Variants in KMT2E observed in about 807,000 individuals in gnomAD.
The protein encoded by KMT2E is histone reader KMT2E.
KMT2E carries 30 observed loss-of-function variants against 184.6 expected under a neutral mutation model. The observed-to-expected ratio is 0.16, with a 90% CI of 0.12 to 0.22. KMT2E has a LOEUF of 0.22. Ranked by LOEUF, KMT2E falls within the 10% of genes least tolerant of loss-of-function variation. KMT2E has a pLI of 1.00. For missense variants in KMT2E, 2,023 were observed against 2,237.4 expected (o/e 0.90, Z 1.93); for synonymous variants, 815 against 776.5 (o/e 1.05, Z -0.82).
At position 105,087,070 on chromosome 7, in the gene KMT2E, AATAC is replaced by A. The variant is rs1177424664; in HGVS notation, c.1359-2935_1359-2932del. Among the ~76,000 whole-genome samples, 5 of 145,950 alleles carry A rather than the reference AATAC, an allele frequency of 3.4e-5. No homozygotes were observed. In the South Asian group the frequency reaches 6.2e-4, roughly 18 times the overall value. On this transcript the variant is annotated intron_variant, in intron 13 of 26. Coordinates refer to ENST00000311117, the MANE Select transcript of KMT2E (RefSeq NM_182931.3). ...AATATATATAGCATATATAATATATAATACATAATATATAGCGTATGTAATATAC... is the reference window on the plus strand; with the variant it reads ...AATATATATAGCATATATAATATATAATAATATATAGCGTATGTAATATAC...
chr7:105,028,249 A>T (rs926145839), intron 1 of KMT2E, among the ~76,000 whole-genome samples: 2 of 151,380 alleles, frequency 1.3e-5, no homozygotes, highest in African/African-American at 4.9e-5. Flanking sequence ...GCTCACTGCA[A>T]CCTCCGCCTC....
intron 26 of KMT2E, 52 bp downstream of exon 26, chr7:105,110,920 GAA>G: frequency 1.6e-6 from 2 of 1,257,982 alleles, no homozygotes; most frequent in Non-Finnish European, 1.2e-6. Context: ...GTTGAGTGCA[GAA>G]AAGCTGATGG....
intron 3 of KMT2E, among the ~76,000 whole-genome samples, chr7:105,054,066 C>T (rs1300282644): frequency 3.3e-5 from 5 of 151,646 alleles, no homozygotes; most frequent in Middle Eastern, 3.4e-3. Context: ...CCGGCTACTA[C>T]GAGGCTGAGA....
chr7:105,021,381 A>G (rs1226568325), intron 1 of KMT2E, among the ~76,000 whole-genome samples: 1 of 152,232 alleles, frequency 6.6e-6, no homozygotes, highest in Non-Finnish European at 1.5e-5. Context: ...GGCACCACAG[A>G]TGCAGAGAGA....
Position 105,112,746 on chromosome 7 carries a change from C to A in KMT2E, c.4990C>A (p.Pro1664Thr), listed in dbSNP as rs762420580. 10 of 1,613,660 alleles carry A rather than the reference C, an allele frequency of 6.2e-6. No individual in the cohort carries two copies. In the Admixed American group the frequency reaches 1.7e-4, roughly 27 times the overall value. The change falls in exon 27 of 27, where the codon CCT becomes ACT. Residue 1664 changes from proline to threonine, a missense_variant. By Grantham distance (38) the Pro-to-Thr change is conservative. Around this residue, in one of 8 missense-constraint regions of KMT2E, gnomAD observed 1,108 missense variants for 1,050.9 expected, o/e 1.05. Transcript: ENST00000311117. ...AGTAGGGCCTGTTCATGCGGTCACC[C>A]CTGGGTCGCATATTCATTCTCAAAC... is the stretch of plus-strand genomic sequence containing the variant. ...HVVGPVHAVT[P>T]GSHIHSQTAG...
At position 105,040,975 on chromosome 7, in the gene KMT2E, G is replaced by C. The variant is rs749224010; in HGVS notation, c.23G>C (p.Gly8Ala). Reference sequence around the variant, plus strand: ...GTCATGAGCATAGTGATCCCATTGGGGGTTGATACAGCAGAGACGTCATAC... The same window carrying C: ...GTCATGAGCATAGTGATCCCATTGGCGGTTGATACAGCAGAGACGTCATAC... MSIVIPL[G>A]VDTAETSYLE... The change falls in exon 3 of 27, where the codon GGG becomes GCG. Residue 8 changes from glycine (G) to alanine (A), a missense_variant. Physicochemically the swap from Gly to Ala is moderately conservative, Grantham distance 60. This residue lies in a region of KMT2E where 63 missense variants were observed against 68.9 expected (regional missense o/e 0.91). Transcript: ENST00000311117. 2 of 1,613,044 alleles carry C rather than the reference G, an allele frequency of 1.2e-6. No homozygotes were observed. The highest frequency in any genetic ancestry group is 1.1e-5 in the South Asian group (1 of 91,016).
intron 15 of KMT2E, chr7:105,091,520 T>C: frequency 1.7e-6 from 1 of 592,336 alleles, no homozygotes; most frequent in Non-Finnish European, 3.0e-6. Context: ...GATTTAAGAA[T>C]GTATGACATT....
chr7:105,033,655 C>T (rs1385693306), intron 1 of KMT2E, among the ~76,000 whole-genome samples: 5 of 152,060 alleles, frequency 3.3e-5, no homozygotes, highest in East Asian at 1.9e-4. Context: ...CCCGCCACCA[C>T]GCCTGGCTAA....
At chr7:105,080,569 T>C (rs1234066845) in intron 12 of KMT2E, among the ~76,000 whole-genome samples, 1 of 152,214 alleles carries the variant, frequency 6.6e-6, no homozygotes, top group East Asian at 1.9e-4. Context: ...CTTAAATTTA[T>C]TTCTTCTCTG....
At chr7:105,023,421 A>G (rs1342837224) in intron 1 of KMT2E, among the ~76,000 whole-genome samples, 82 of 149,868 alleles carry the variant, frequency 5.5e-4, no homozygotes, top group South Asian at 1.7e-3. Context: ...AAAAAAAAAA[A>G]AGAGAGACAA....
chr7:105,103,235 A>G (rs1431729872), intron 17 of KMT2E: 1 of 152,208 alleles, frequency 6.6e-6, no homozygotes, highest in African/African-American at 2.4e-5. Flanking sequence ...AAGTTGTGGT[A>G]CGATAAATTT....
intron 8 of KMT2E, 101 bp from the exon 9 acceptor site, chr7:105,075,942 T>A: frequency 1.1e-6 from 1 of 872,636 alleles, no homozygotes. Flanking sequence ...AATTTTTTGT[T>A]ATGACACTTC....
At chr7:105,054,262 A>G (rs1796470629) in intron 3 of KMT2E, among the ~76,000 whole-genome samples, 1 of 151,932 alleles carries the variant, frequency 6.6e-6, no homozygotes, top group Non-Finnish European at 1.5e-5. Flanking sequence ...TGATAGATTC[A>G]TCAAAGTCTT....
At chr7:105,066,951 G>T in intron 6 of KMT2E, 144 bp downstream of exon 6, 2 of 595,922 alleles carry the variant, frequency 3.4e-6, no homozygotes, top group Non-Finnish European at 6.1e-6. Context: ...CAACTACTTG[G>T]GAGGCTGAGG....
intron 2 of KMT2E, among the ~76,000 whole-genome samples, chr7:105,039,562 C>T (rs995102769): frequency 6.6e-6 from 1 of 152,088 alleles, no homozygotes; most frequent in Non-Finnish European, 1.5e-5. Flanking sequence ...AGGTTAATTC[C>T]TGTTTCACAG....
At chr7:105,068,626 TTTTTTTTTTTTTG>T (rs1410123689) in intron 6 of KMT2E, among the ~76,000 whole-genome samples, 2 of 134,602 alleles carry the variant, frequency 1.5e-5, no homozygotes, top group African/African-American at 6.4e-5. Flanking sequence ...TAGTTGTGGT[TTTTTTTTTTTTTG>T]TTTTTTTTTT....
At chr7:105,108,134 C>T (rs982860285) in intron 22 of KMT2E, among the ~76,000 whole-genome samples, 3 of 151,998 alleles carry the variant, frequency 2.0e-5, no homozygotes, top group East Asian at 3.9e-4. Flanking sequence ...TATGGGAAAT[C>T]CTTGTAAGCA....
intron 6 of KMT2E, among the ~76,000 whole-genome samples, chr7:105,071,594 ATATATATATATATATTTT>A (rs1797305087): frequency 1.0e-4 from 6 of 59,314 alleles, no homozygotes; most frequent in African/African-American, 3.8e-4. Context: ...ATATATATAT[ATATATATATATATATTTT>A]TTTTTTTTTT....
Position 105,107,868 on chromosome 7 carries a change from T to C in KMT2E, c.3411T>C (p.Val1137=). 6.2e-7 allele frequency: 1 copy of C among 1,614,120 alleles called. No homozygotes were observed. Among genetic ancestry groups the C allele is most frequent in the Non-Finnish European group, 8.5e-7 (1 of 1,179,996 alleles). The change falls in exon 22 of 27, where the codon GTT becomes GTC. Residue 1137 remains valine, a synonymous_variant. Transcript: ENST00000311117. ...DGLVSGFGRT[V]NDNLIDGNCT... ...TTGTATCTGGTTTCGGACGGACTGT[T>C]AATGACAATTTGATCGACGGGAATT...
Sources: allele counts gnomAD v4.1 joint callset (sites outside exome capture counted in the v4.1 genomes callset), GRCh38; gene constraint gnomAD v4.1.1; regional missense constraint gnomAD v4.1.1; transcripts MANE v1.5; gene names NCBI Gene and HGNC (gene_info 2026-07-23, HGNC 2026-07-21).